The following ZNF536 variants were observed in gnomAD, a reference collection of about 807,000 sequenced individuals.
The protein encoded by ZNF536 is zinc finger protein 536.
Under a neutral mutation model 84.5 loss-of-function variants are expected in ZNF536, and 13 were observed. The ratio of observed to expected loss-of-function variants is 0.15; its 90% CI spans 0.10 to 0.24. The LOEUF (loss-of-function observed/expected upper bound fraction) is 0.24, where lower values mean the gene tolerates loss of function less well. ZNF536 is among the 10% of genes least tolerant of loss of function. ZNF536 has a pLI of 1.00. For synonymous variants in ZNF536, 811 were observed against 742.5 expected, an observed-to-expected ratio of 1.09 and a Z score of -1.50; for missense variants, 1,536 against 1,747.5, an observed-to-expected ratio of 0.88 and a Z score of 2.16.
intron 2 of ZNF536, among the ~76,000 whole-genome samples, chr19:30,492,796 C>T (rs1453820149): frequency 6.6e-6 from 1 of 152,136 alleles, no homozygotes; most frequent in Non-Finnish European, 1.5e-5. Context: ...AAAGCATATA[C>T]TATGGTAGTT....
intron 1 of ZNF536, among the ~76,000 whole-genome samples, chr19:30,411,325 T>A (rs917747290): frequency 6.7e-6 from 1 of 149,426 alleles, no homozygotes; most frequent in Non-Finnish European, 1.5e-5. Context: ...AGCTTTTTAG[T>A]TTTTTTTTGC....
intron 1 of ZNF536, among the ~76,000 whole-genome samples, chr19:30,380,202 C>G (rs1223749621): frequency 6.6e-6 from 1 of 151,526 alleles, no homozygotes; most frequent in East Asian, 1.9e-4. Context: ...TTTTTTTTTG[C>G]CAGCCGTCAG....
rs187451320 is a variant in ZNF536, at chr19:30,523,159, C to T, written c.2171-11688C>T. Among the ~76,000 whole-genome samples the T allele has an allele frequency of 2.8e-3, 422 of 152,208 alleles. 3 individuals carry two copies. Among genetic ancestry groups the T allele is most frequent in the African/African-American group, 9.5e-3 (393 of 41,520 alleles). Reference sequence around the variant, plus strand: ...GCTTGGGGTTGGCGCGGGGGCACTGCCAGGGACACGAACACTGAAAGCTGC... The same window carrying T: ...GCTTGGGGTTGGCGCGGGGGCACTGTCAGGGACACGAACACTGAAAGCTGC... On this transcript the variant is annotated intron_variant, in intron 2 of 4. Coordinates refer to ENST00000355537, the MANE Select transcript of ZNF536 (RefSeq NM_014717.3).
At chr19:30,282,271 C>T (rs1430699433) in intron 1 of ZNF536, among the ~76,000 whole-genome samples, 2 of 152,258 alleles carry the variant, frequency 1.3e-5, no homozygotes, top group African/African-American at 4.8e-5. Flanking sequence ...CTTGCCCACG[C>T]AGGTCAGACA....
intron 3 of ZNF536, among the ~76,000 whole-genome samples, chr19:30,543,701 C>T (rs1477171995): frequency 2.6e-5 from 4 of 152,212 alleles, no homozygotes; most frequent in South Asian, 2.1e-4. Flanking sequence ...GACCGCACCC[C>T]GGAGCCTGTG....
intron 1 of ZNF536, among the ~76,000 whole-genome samples, chr19:30,567,770 C>G (rs1210462468): frequency 6.6e-6 from 1 of 152,130 alleles, no homozygotes. Flanking sequence ...CACTGGAGAT[C>G]CCAGATTATG....
intron 1 of ZNF536, among the ~76,000 whole-genome samples, chr19:30,269,668 T>A (rs2025715780): frequency 6.6e-6 from 1 of 152,208 alleles, no homozygotes; most frequent in Admixed American, 6.5e-5. Context: ...TTCCTCCTCC[T>A]ACTATGAATA....
chr19:30,229,313 A>C (rs1006829560), intron 1 of ZNF536, among the ~76,000 whole-genome samples: 1 of 152,120 alleles, frequency 6.6e-6, no homozygotes, highest in African/African-American at 2.4e-5. Context: ...TTCTGTTGGA[A>C]ATGCCATCAA....
intron 1 of ZNF536, among the ~76,000 whole-genome samples, chr19:30,283,877 T>C (rs1391029606): frequency 6.6e-6 from 1 of 152,164 alleles, no homozygotes; most frequent in East Asian, 1.9e-4. Flanking sequence ...TGAGGAAATT[T>C]GGTTCATTGC....
At chr19:30,613,171 T>A (rs1432830214) in intron 1 of ZNF536, among the ~76,000 whole-genome samples, 2 of 152,224 alleles carry the variant, frequency 1.3e-5, no homozygotes, top group East Asian at 3.8e-4. Flanking sequence ...ATGTTAACTT[T>A]GGGTCACTCG....
chr19:30,317,412 G>T (rs2046716239), intron 2 of ZNF536, among the ~76,000 whole-genome samples: 1 of 152,200 alleles, frequency 6.6e-6, no homozygotes, highest in Non-Finnish European at 1.5e-5. Context: ...ACACATGGTA[G>T]GTGACATGTC....
intron 1 of ZNF536, among the ~76,000 whole-genome samples, chr19:30,277,336 G>A (rs189358147): frequency 4.7e-4 from 71 of 152,208 alleles, no homozygotes; most frequent in African/African-American, 1.7e-3. Context: ...CAGGGCAGGC[G>A]AGCTGATGAG....
intron 4 of ZNF536, among the ~76,000 whole-genome samples, chr19:30,550,422 G>A (rs918262598): frequency 1.2e-4 from 19 of 152,134 alleles, no homozygotes; most frequent in South Asian, 8.3e-4. Flanking sequence ...GCCTTTCTCC[G>A]AAAAGAAGCT....
intron 2 of ZNF536, among the ~76,000 whole-genome samples, chr19:30,328,714 C>G (rs2047115189): frequency 6.6e-6 from 1 of 152,218 alleles, no homozygotes; most frequent in Non-Finnish European, 1.5e-5. Context: ...ATCCACATGG[C>G]TCTCTCTGGA....
chr19:30,461,726 C>T (rs1375175422), intron 2 of ZNF536, among the ~76,000 whole-genome samples: 1 of 152,224 alleles, frequency 6.6e-6, no homozygotes, highest in Non-Finnish European at 1.5e-5. Context: ...TGAGCTTGCC[C>T]CCGTCTCAGT....
chr19:30,256,425 G>A (rs147293251), intron 1 of ZNF536, among the ~76,000 whole-genome samples: 57 of 152,250 alleles, frequency 3.7e-4, no homozygotes, highest in African/African-American at 1.3e-3. Flanking sequence ...AAAGCAATTC[G>A]CAGAAATGCC....
intron 1 of ZNF536, among the ~76,000 whole-genome samples, chr19:30,645,473 C>T (rs1222579713): frequency 6.6e-6 from 1 of 152,144 alleles, no homozygotes. Flanking sequence ...GGTGCCTTAG[C>T]ATCAGAGGAT....
At chr19:30,614,384 C>A (rs1309480421) in intron 1 of ZNF536, among the ~76,000 whole-genome samples, 3 of 143,740 alleles carry the variant, frequency 2.1e-5, no homozygotes, top group African/African-American at 7.7e-5. Flanking sequence ...TTTGATTATA[C>A]ATAACTATAT....
chr19:30,417,431 T>C (rs1658483617), intron 1 of ZNF536, among the ~76,000 whole-genome samples: 1 of 152,128 alleles, frequency 6.6e-6, no homozygotes, highest in Admixed American at 6.5e-5. Flanking sequence ...TTTCCAGGGA[T>C]TTGAGGTGGC....
Sources: allele counts gnomAD v4.1 joint callset (sites outside exome capture counted in the v4.1 genomes callset), GRCh38; gene constraint gnomAD v4.1.1; transcripts MANE v1.5; gene names NCBI Gene and HGNC (gene_info 2026-07-23, HGNC 2026-07-21).